AEBP2: variants seen among roughly 807,000 people sequenced by gnomAD.
The protein encoded by AEBP2 is AE binding protein 2.
Under a neutral mutation model 50.8 loss-of-function variants are expected in AEBP2, and 10 were observed. That is an observed-to-expected ratio of 0.20 (90% CI 0.12 to 0.33). The LOEUF is 0.33. Among genes scored for constraint, AEBP2 ranks in the 10% least tolerant of loss-of-function variants. The pLI is 1.00. For synonymous variants in AEBP2, 296 were observed against 261.3 expected (o/e 1.13, Z -1.28); for missense variants, 570 against 688.0 (o/e 0.83, Z 1.92).
In AEBP2 at chr12:19,518,566, T is replaced by C. The variant is rs1055481380; in HGVS notation, c.*449T>C. 6.2e-5 allele frequency: 83 copies of C among 1,344,130 alleles called. No individual in the cohort carries two copies. Among genetic ancestry groups the C allele is most frequent in the Non-Finnish European group, 8.1e-5 (83 of 1,029,770 alleles). 83.3% of individuals were successfully genotyped at this position (1,344,130 alleles called of 1,614,324 possible). The stretch of plus-strand genomic sequence containing the variant: ...TATTTGTCTTGACAGTGTTTATTGA[T>C]TTGAAGTCATATTAGGAAATATTTA... On this transcript the variant is annotated 3_prime_UTR_variant, in exon 8 of 8. Transcript: ENST00000266508.
chr12:19,513,415 T>C (rs762612310), intron 6 of AEBP2, among the ~76,000 whole-genome samples: 1 of 152,174 alleles, frequency 6.6e-6, no homozygotes, highest in Non-Finnish European at 1.5e-5. Flanking sequence ...GCATCAAGAA[T>C]AGAATAAATT....
chr12:19,441,677 GGGTAAAGTAGACT>G (rs2153366261), intron 1 of AEBP2, among the ~76,000 whole-genome samples: 1 of 152,196 alleles, frequency 6.6e-6, no homozygotes, highest in South Asian at 2.1e-4. Flanking sequence ...AAATATCTTC[GGGTAAAGTAGACT>G]GTATAAACCT....
chr12:19,514,141 A>T (rs1203784208), intron 6 of AEBP2, among the ~76,000 whole-genome samples: 1 of 151,862 alleles, frequency 6.6e-6, no homozygotes, highest in Non-Finnish European at 1.5e-5. Context: ...ATGGGAATAC[A>T]GGTGTGCGCC....
Position 19,452,504 on chromosome 12 carries a change from C to CT in AEBP2, c.672-9996dup, listed in dbSNP as rs753170316. Among the ~76,000 whole-genome samples, 864 of 147,666 alleles carry CT rather than the reference C, an allele frequency of 5.9e-3. 2 individuals are homozygous for CT. The highest frequency in any genetic ancestry group is 0.013 in the African/African-American group (525 of 40,372). Reference sequence around the variant, plus strand: ...CAAGGTTGTTAATGGTTTTCTTTTTCTTTTTTTTTTGTTGTTAATGGTTTT... The same window carrying CT: ...CAAGGTTGTTAATGGTTTTCTTTTTCTTTTTTTTTTTGTTGTTAATGGTTTT... On this transcript the variant is annotated intron_variant, in intron 1 of 7. Coordinates refer to ENST00000266508, the MANE Select transcript of AEBP2 (RefSeq NM_153207.5).
At chr12:19,455,737 C>G (rs1948258675) in intron 1 of AEBP2, among the ~76,000 whole-genome samples, 1 of 152,152 alleles carries the variant, frequency 6.6e-6, no homozygotes. Context: ...TAGATAGTTT[C>G]TAAACTAAGG....
chr12:19,484,191 C>T (rs747848479), intron 3 of AEBP2, among the ~76,000 whole-genome samples: 6 of 150,274 alleles, frequency 4.0e-5, no homozygotes, highest in Non-Finnish European at 7.4e-5. Context: ...TCAATTGATT[C>T]TCATGCTTCA....
At chr12:19,485,036 A>G (rs1038023368) in intron 3 of AEBP2, among the ~76,000 whole-genome samples, 3 of 152,192 alleles carry the variant, frequency 2.0e-5, no homozygotes, top group Admixed American at 1.3e-4. Context: ...TGCACACTAA[A>G]TATAAGAGAT....
At chr12:19,459,921 A>G (rs1173550537) in intron 1 of AEBP2, among the ~76,000 whole-genome samples, 2 of 152,230 alleles carry the variant, frequency 1.3e-5, no homozygotes, top group Admixed American at 6.5e-5. Context: ...CTCTGCCGCT[A>G]CAAAAAAATA....
At chr12:19,453,248 C>T (rs971653899) in intron 1 of AEBP2, among the ~76,000 whole-genome samples, 6 of 152,002 alleles carry the variant, frequency 3.9e-5, no homozygotes, top group Non-Finnish European at 5.9e-5. Flanking sequence ...GGATTACAGG[C>T]GTGAGCCACC....
intron 1 of AEBP2, among the ~76,000 whole-genome samples, chr12:19,415,595 A>T (rs1358764063): frequency 6.6e-6 from 1 of 151,418 alleles, no homozygotes; most frequent in East Asian, 1.9e-4. Context: ...AGGATACTCA[A>T]TATATCTGAT....
chr12:19,431,782 A>C (rs1283057952), intron 1 of AEBP2, among the ~76,000 whole-genome samples: 2 of 152,190 alleles, frequency 1.3e-5, no homozygotes, highest in African/African-American at 4.8e-5. Flanking sequence ...GTAAGATGTT[A>C]TCTCTTTTTA....
intron 4 of AEBP2, 31 bp from the exon 5 acceptor site, chr12:19,500,066 A>T: frequency 6.4e-7 from 1 of 1,569,728 alleles, no homozygotes; most frequent in Non-Finnish European, 8.6e-7. Context: ...TGTTTTTCTA[A>T]ATATTCTTTA....
At chr12:19,474,950 G>A (rs1051422704) in intron 3 of AEBP2, among the ~76,000 whole-genome samples, 2 of 152,024 alleles carry the variant, frequency 1.3e-5, no homozygotes, top group Admixed American at 6.6e-5. Context: ...GCGCCATCAC[G>A]CCTGGCGAAT....
In AEBP2 at chr12:19,518,771, T is replaced by C; in HGVS notation, c.*654T>C. On this transcript the variant is annotated 3_prime_UTR_variant, in exon 8 of 8. Coordinates refer to ENST00000266508, the MANE Select transcript of AEBP2 (RefSeq NM_153207.5). The stretch of plus-strand genomic sequence containing the variant: ...TCGTCTATCGAATTAGGGCTGAAAA[T>C]TACTGTTAAAGAGTGTTGCAGTATG... 2.1e-6 allele frequency: 3 copies of C among 1,457,360 alleles called. No homozygotes were observed. The highest frequency in any genetic ancestry group is 2.8e-6 in the Non-Finnish European group (3 of 1,077,186). The allele number at this position is 1,457,360 out of a possible 1,614,324, so 90.3% of individuals were successfully genotyped here. A position where few individuals can be genotyped will look rare whatever the true frequency, so the allele number is the denominator to read the frequency against.
At chr12:19,505,792 T>G (rs1294172146) in intron 5 of AEBP2, among the ~76,000 whole-genome samples, 3 of 152,154 alleles carry the variant, frequency 2.0e-5, no homozygotes, top group Non-Finnish European at 4.4e-5. Context: ...TTTTGTTTTT[T>G]TGAGTCAGAG....
At chr12:19,409,818 G>A (rs1419003103) in intron 1 of AEBP2, among the ~76,000 whole-genome samples, 1 of 152,170 alleles carries the variant, frequency 6.6e-6, no homozygotes, top group Non-Finnish European at 1.5e-5. Context: ...AGTCAATTTA[G>A]TAAGTACAGC....
intron 1 of AEBP2, among the ~76,000 whole-genome samples, chr12:19,404,501 G>T (rs1215088873): frequency 3.3e-5 from 5 of 152,150 alleles, no homozygotes; most frequent in Non-Finnish European, 7.3e-5. Flanking sequence ...GTGGTTTTCT[G>T]TTAAGTTCCT....
intron 1 of AEBP2, among the ~76,000 whole-genome samples, chr12:19,424,251 T>C (rs976806994): frequency 2.0e-5 from 3 of 151,976 alleles, no homozygotes; most frequent in African/African-American, 4.8e-5. Context: ...TGGCAAAGCA[T>C]GCAACACAGA....
chr12:19,433,378 A>G lies in AEBP2; in HGVS notation c.-16-29132A>G, dbSNP rs551844179. Reference sequence around the variant, plus strand: ...ATGCCAGCCTGGGTGACAGAGTGAGACCCCTTCTCCAAAAAAACAAAAAAT... The same window carrying G: ...ATGCCAGCCTGGGTGACAGAGTGAGGCCCCTTCTCCAAAAAAACAAAAAAT... On this transcript the variant is annotated intron_variant, in intron 1 of 3. Transcript: ENST00000538425. 9.2e-5 allele frequency among the ~76,000 whole-genome samples: 14 copies of G among 152,168 alleles called. 1 individual carries two copies. In the South Asian group the frequency reaches 2.5e-3, roughly 27 times the overall value.
Sources: allele counts gnomAD v4.1 joint callset (sites outside exome capture counted in the v4.1 genomes callset), GRCh38; gene constraint gnomAD v4.1.1; transcripts MANE v1.5; gene names NCBI Gene and HGNC (gene_info 2026-07-23, HGNC 2026-07-21).